KCND2: variants seen among roughly 807,000 people sequenced by gnomAD.
The protein encoded by KCND2 is potassium voltage-gated channel subfamily D member 2.
In KCND2, 16 loss-of-function variants were observed where a neutral mutation model predicts 54.4. That is an observed-to-expected ratio of 0.29 (90% CI 0.20 to 0.45). The LOEUF is 0.45. Ranked by LOEUF, KCND2 falls within the 20% of genes least tolerant of loss-of-function variation. The probability of loss-of-function intolerance (pLI) is 1.00; values close to 1 mark genes in which losing one functional copy is unlikely to be tolerated. For synonymous variants in KCND2, 317 were observed against 310.7 expected (o/e 1.02, Z -0.21); for missense variants, 486 against 824.2 (o/e 0.59, Z 5.02).
intron 1 of KCND2, among the ~76,000 whole-genome samples, chr7:120,545,496 T>C (rs1792031746): frequency 6.6e-6 from 1 of 151,938 alleles, no homozygotes; most frequent in Admixed American, 6.6e-5. Context: ...TCTGTTAAGC[T>C]CTATTCTTGA....
intron 1 of KCND2, among the ~76,000 whole-genome samples, chr7:120,328,624 A>G (rs1226796867): frequency 2.6e-5 from 4 of 152,174 alleles, no homozygotes; most frequent in Non-Finnish European, 5.9e-5. Context: ...CATAAAATGT[A>G]TATTAACACC....
chr7:120,705,191 C>T (rs746447874), intron 1 of KCND2, among the ~76,000 whole-genome samples: 3 of 152,146 alleles, frequency 2.0e-5, no homozygotes, highest in Non-Finnish European at 2.9e-5. Flanking sequence ...GTGCTTAACT[C>T]TGCTGTGACA....
In KCND2 at chr7:120,274,352, C is replaced by T; in HGVS notation, c.-281C>T. The T allele has an allele frequency of 1.8e-6, 1 of 555,776 alleles. No homozygotes were observed. Among genetic ancestry groups the T allele is most frequent in the Non-Finnish European group, 3.2e-6 (1 of 310,268 alleles). 34.4% of individuals were successfully genotyped at this position (555,776 alleles called of 1,614,324 possible). A position where few individuals can be genotyped will look rare whatever the true frequency, so the allele number is the denominator to read the frequency against. ...GTGCTTATTTGTGCCAGAGGGTGGCCTAGCCCACCTGCAGGAAGAGATTTG... is the reference window on the plus strand; with the variant it reads ...GTGCTTATTTGTGCCAGAGGGTGGCTTAGCCCACCTGCAGGAAGAGATTTG... On this transcript the variant is annotated 5_prime_UTR_variant, in exon 1 of 6. Coordinates refer to ENST00000331113, the MANE Select transcript of KCND2 (RefSeq NM_012281.3).
At chr7:120,337,134 G>C (rs1369884106) in intron 1 of KCND2, among the ~76,000 whole-genome samples, 1 of 151,998 alleles carries the variant, frequency 6.6e-6, no homozygotes, top group Non-Finnish European at 1.5e-5. Flanking sequence ...CAAGGTGAAA[G>C]TCATTCCTTT....
At chr7:120,448,928 C>T (rs1802059160) in intron 1 of KCND2, among the ~76,000 whole-genome samples, 1 of 152,134 alleles carries the variant, frequency 6.6e-6, no homozygotes, top group African/African-American at 2.4e-5. Context: ...CATTCTGCTA[C>T]CCTATATTTA....
intron 2 of KCND2, among the ~76,000 whole-genome samples, chr7:120,738,591 G>A (rs1792902405): frequency 6.6e-6 from 1 of 151,942 alleles, no homozygotes; most frequent in Admixed American, 6.6e-5. Context: ...TTTTCATACA[G>A]CTAAAATAAA....
chr7:120,398,252 T>C (rs934939805), intron 1 of KCND2, among the ~76,000 whole-genome samples: 3 of 149,898 alleles, frequency 2.0e-5, no homozygotes, highest in African/African-American at 7.4e-5. Flanking sequence ...AACTAATACA[T>C]CTTGTAAATG....
At chr7:120,495,288 T>A (rs980226339) in intron 1 of KCND2, among the ~76,000 whole-genome samples, 1 of 152,134 alleles carries the variant, frequency 6.6e-6, no homozygotes. Context: ...TTTCCTTTTT[T>A]AAAAGGTATT....
At chr7:120,567,621 A>G (rs974610814) in intron 1 of KCND2, among the ~76,000 whole-genome samples, 2 of 152,190 alleles carry the variant, frequency 1.3e-5, no homozygotes, top group African/African-American at 4.8e-5. Flanking sequence ...AAACACAAAT[A>G]TCTAAAATGA....
chr7:120,660,959 AT>A (rs1791858445), intron 1 of KCND2, among the ~76,000 whole-genome samples: 1 of 151,724 alleles, frequency 6.6e-6, no homozygotes, highest in Non-Finnish European at 1.5e-5. Context: ...GCTTTCATTT[AT>A]TTTTATTTTT....
At chr7:120,660,582 G>A (rs1791853431) in intron 1 of KCND2, among the ~76,000 whole-genome samples, 1 of 152,152 alleles carries the variant, frequency 6.6e-6, no homozygotes, top group South Asian at 2.1e-4. Context: ...AGCCAGGATG[G>A]TCTTGAAAAA....
At chr7:120,563,691 G>A (rs1214401609) in intron 1 of KCND2, among the ~76,000 whole-genome samples, 1 of 152,110 alleles carries the variant, frequency 6.6e-6, no homozygotes, top group Non-Finnish European at 1.5e-5. Flanking sequence ...AACCCTCACA[G>A]TATTTCAAAT....
At chr7:120,698,425 A>G (rs1343996753) in intron 1 of KCND2, among the ~76,000 whole-genome samples, 1 of 152,222 alleles carries the variant, frequency 6.6e-6, no homozygotes, top group East Asian at 1.9e-4. Context: ...CCAATTTGTT[A>G]CATATAAGTA....
intron 1 of KCND2, among the ~76,000 whole-genome samples, chr7:120,360,992 G>A (rs1440606789): frequency 6.6e-6 from 1 of 151,920 alleles, no homozygotes; most frequent in African/African-American, 2.4e-5. Context: ...TTGTTTAAAT[G>A]AAATTCATTT....
chr7:120,420,187 A>T (rs953887720), intron 1 of KCND2, among the ~76,000 whole-genome samples: 1 of 152,164 alleles, frequency 6.6e-6, no homozygotes, highest in Non-Finnish European at 1.5e-5. Flanking sequence ...AGTGCTTAGC[A>T]TAGAATATTT....
chr7:120,482,767 T>G (rs1201948805), intron 1 of KCND2, among the ~76,000 whole-genome samples: 1 of 152,176 alleles, frequency 6.6e-6, no homozygotes, highest in Non-Finnish European at 1.5e-5. Context: ...GTTTGTACTT[T>G]GTAAATTACC....
intron 1 of KCND2, among the ~76,000 whole-genome samples, chr7:120,413,691 A>C (rs1032060392): frequency 3.9e-5 from 6 of 152,082 alleles, no homozygotes; most frequent in African/African-American, 1.4e-4. Context: ...TTATAAAAAA[A>C]CACCAAAAAA....
chr7:120,418,255 A>T (rs1045776551), intron 1 of KCND2, among the ~76,000 whole-genome samples: 2 of 152,192 alleles, frequency 1.3e-5, no homozygotes, highest in African/African-American at 4.8e-5. Context: ...TCAGAAGGTT[A>T]TATCCTCATT....
At chr7:120,283,934 A>C (rs988053975) in intron 1 of KCND2, among the ~76,000 whole-genome samples, 1 of 152,172 alleles carries the variant, frequency 6.6e-6, no homozygotes, top group African/African-American at 2.4e-5. Context: ...TTAAATTGAG[A>C]CCATGTTTAT....
Sources: allele counts gnomAD v4.1 joint callset (sites outside exome capture counted in the v4.1 genomes callset), GRCh38; gene constraint gnomAD v4.1.1; transcripts MANE v1.5; gene names NCBI Gene and HGNC (gene_info 2026-07-23, HGNC 2026-07-21).